The following RORB variants were observed in gnomAD, a reference collection of about 807,000 sequenced individuals.
The protein encoded by RORB is nuclear receptor ROR-beta.
In RORB, 6 loss-of-function variants were observed where a neutral mutation model predicts 59.1. The observed-to-expected ratio is 0.10, with a 90% CI of 0.06 to 0.20. The LOEUF (loss-of-function observed/expected upper bound fraction) is 0.20, where lower values mean the gene tolerates loss of function less well. Among genes scored for constraint, RORB ranks in the 10% least tolerant of loss-of-function variants. RORB has a pLI of 1.00. For missense variants in RORB, 320 were observed against 560.5 expected (o/e 0.57, Z 4.33); for synonymous variants, 215 against 204.5 (o/e 1.05, Z -0.44).
chr9:74,555,030 GCTAT>G (rs1822265432), intron 1 of RORB, among the ~76,000 whole-genome samples: 2 of 152,172 alleles, frequency 1.3e-5, no homozygotes, highest in South Asian at 4.1e-4. Context: ...CTGGGAATTG[GCTAT>G]CTGAGGAGAT....
At chr9:74,619,395 G>T (rs1018588849) in intron 1 of RORB, among the ~76,000 whole-genome samples, 4 of 152,162 alleles carry the variant, frequency 2.6e-5, no homozygotes, top group Admixed American at 2.6e-4. Context: ...TCATTGTGAA[G>T]ACAGAAACTT....
intron 1 of RORB, among the ~76,000 whole-genome samples, chr9:74,588,966 G>A (rs1822848956): frequency 6.6e-6 from 1 of 151,284 alleles, no homozygotes; most frequent in African/African-American, 2.4e-5. Context: ...GACCCAAAAA[G>A]AAGTGAAGGC....
rs940383793 is a variant in RORB at position 74,562,592 on chromosome 9, C to T, written c.7+64609C>T. 2.6e-5 allele frequency among the ~76,000 whole-genome samples: 4 copies of T among 152,128 alleles called. No homozygotes were observed. In the East Asian group the frequency reaches 7.7e-4, roughly 29 times the overall value. ...AGCTGACATTTTTTTCTCCCTACTCCTTCACCATGACCCAGTGTTGGCTCA... is the reference window on the plus strand; with the variant it reads ...AGCTGACATTTTTTTCTCCCTACTCTTTCACCATGACCCAGTGTTGGCTCA... On this transcript the variant is annotated intron_variant, in intron 1 of 9. Coordinates refer to ENST00000376896, the MANE Select transcript of RORB (RefSeq NM_006914.4).
chr9:74,635,086 G>A (rs1379572290), intron 3 of RORB, among the ~76,000 whole-genome samples: 1 of 152,130 alleles, frequency 6.6e-6, no homozygotes, highest in Non-Finnish European at 1.5e-5. Flanking sequence ...GGATTTCCTG[G>A]GACATGAGAC....
intron 8 of RORB, among the ~76,000 whole-genome samples, chr9:74,671,042 T>G (rs2118543216): frequency 6.6e-6 from 1 of 152,014 alleles, no homozygotes. Flanking sequence ...CTGGGCTGAA[T>G]TTTGTCACCG....
chr9:74,557,335 T>C (rs541873988), intron 1 of RORB, among the ~76,000 whole-genome samples: 1 of 152,216 alleles, frequency 6.6e-6, no homozygotes, highest in South Asian at 2.1e-4. Context: ...AGGAGGCAGG[T>C]AACCCCAGTT....
chr9:74,551,470 T>G (rs1345619900), intron 1 of RORB, among the ~76,000 whole-genome samples: 2 of 152,222 alleles, frequency 1.3e-5, no homozygotes, highest in African/African-American at 4.8e-5. Flanking sequence ...GACAAAGAGA[T>G]GATTCATGTC....
chr9:74,561,809 G>C (rs1020847402), intron 1 of RORB, among the ~76,000 whole-genome samples: 1 of 152,058 alleles, frequency 6.6e-6, no homozygotes. Context: ...TCTCTTCCAG[G>C]ATCCAATCCA....
intron 8 of RORB, among the ~76,000 whole-genome samples, chr9:74,668,659 A>T (rs1824304366): frequency 6.6e-6 from 1 of 152,236 alleles, no homozygotes; most frequent in Admixed American, 6.5e-5. Context: ...AATTATAAGC[A>T]AGAGGAAACA....
At chr9:74,570,242 C>A (rs576212633) in intron 1 of RORB, among the ~76,000 whole-genome samples, 2 of 152,114 alleles carry the variant, frequency 1.3e-5, no homozygotes, top group South Asian at 4.1e-4. Context: ...TTACGTGTAT[C>A]AATTTATTTA....
intron 1 of RORB, among the ~76,000 whole-genome samples, chr9:74,523,219 A>G (rs751598253): frequency 6.6e-6 from 1 of 151,402 alleles, no homozygotes; most frequent in Non-Finnish European, 1.5e-5. Context: ...CTTAAGATTG[A>G]TGCATTTTCT....
At chr9:74,670,188 C>T (rs1352282749) in intron 8 of RORB, among the ~76,000 whole-genome samples, 1 of 152,066 alleles carries the variant, frequency 6.6e-6, no homozygotes, top group East Asian at 1.9e-4. Context: ...TTTCCTTCTA[C>T]CATTTTCTCA....
At chr9:74,542,583 G>C (rs1182059785) in intron 1 of RORB, among the ~76,000 whole-genome samples, 1 of 152,154 alleles carries the variant, frequency 6.6e-6, no homozygotes, top group Non-Finnish European at 1.5e-5. Context: ...GAGAGAAAAT[G>C]AGAGGCAATA....
At chr9:74,530,721 T>G in intron 1 of RORB, among the ~76,000 whole-genome samples, 1 of 151,958 alleles carries the variant, frequency 6.6e-6, no homozygotes, top group East Asian at 1.9e-4. Flanking sequence ...TAATTGAGAT[T>G]TTTTATTATT....
chr9:74,563,518 A>T lies in RORB; in HGVS notation c.7+65535A>T, dbSNP rs572270883. ...CTTATCAGAACTATTTCCTCAGTTC[A>T]TTTTCTTCCTTTATGATATTAACAT... On this transcript the variant is annotated intron_variant, in intron 1 of 9. Transcript: ENST00000376896. Among the ~76,000 whole-genome samples the T allele has an allele frequency of 8.5e-5, 13 of 152,152 alleles. No individual in the cohort carries two copies. In the East Asian group the frequency reaches 2.5e-3, roughly 29 times the overall value.
chr9:74,674,697 A>G (rs778491331), intron 9 of RORB, among the ~76,000 whole-genome samples: 2 of 152,202 alleles, frequency 1.3e-5, no homozygotes, highest in Admixed American at 6.5e-5. Context: ...TAACTAGAAG[A>G]TTTCAATTCC....
intron 9 of RORB, 143 bp from the exon 10 acceptor site, chr9:74,685,320 C>CT (rs1248038113): frequency 4.6e-6 from 3 of 658,450 alleles, no homozygotes; most frequent in Non-Finnish European, 7.3e-6. Context: ...AAGAGAAAAG[C>CT]TGAAAGTGCG....
chr9:74,563,674 A>G (rs758711595), intron 1 of RORB, among the ~76,000 whole-genome samples: 51 of 151,904 alleles, frequency 3.4e-4, no homozygotes, highest in African/African-American at 7.3e-5. Context: ...TAATGAAGGG[A>G]CTATCTACAC....
intron 9 of RORB, among the ~76,000 whole-genome samples, chr9:74,675,668 A>G (rs1824425678): frequency 6.6e-6 from 1 of 152,206 alleles, no homozygotes; most frequent in Non-Finnish European, 1.5e-5. Context: ...GTTGAGGACG[A>G]TACTCCAGCT....
Sources: allele counts gnomAD v4.1 joint callset (sites outside exome capture counted in the v4.1 genomes callset), GRCh38; gene constraint gnomAD v4.1.1; transcripts MANE v1.5; gene names NCBI Gene and HGNC (gene_info 2026-07-23, HGNC 2026-07-21).